The following LRBA variants were observed in gnomAD, a reference collection of about 807,000 sequenced individuals.
LRBA encodes lipopolysaccharide-responsive and beige-like anchor protein.
In LRBA, 176 loss-of-function variants were observed where a neutral mutation model predicts 330.0. The ratio of observed to expected loss-of-function variants is 0.53; its 90% CI spans 0.47 to 0.60. The LOEUF is 0.60. LRBA is among the 20% of genes least tolerant of loss of function. LRBA has a pLI of 0.00. For synonymous variants in LRBA, 1,230 were observed against 1,193.0 expected (o/e 1.03, Z -0.64); for missense variants, 3,259 against 3,444.8 (o/e 0.95, Z 1.35).
intron 40 of LRBA, among the ~76,000 whole-genome samples, chr4:150,516,578 T>C (rs1762388005): frequency 6.6e-6 from 1 of 151,784 alleles, no homozygotes; most frequent in Non-Finnish European, 1.5e-5. Context: ...AAATAAAAAA[T>C]GAATAGAAAA....
chr4:150,664,102 C>T (rs1421938025), intron 37 of LRBA, among the ~76,000 whole-genome samples: 2 of 152,158 alleles, frequency 1.3e-5, no homozygotes, highest in African/African-American at 2.4e-5. Flanking sequence ...CCTTGAATGT[C>T]ATGTCTTAGG....
intron 37 of LRBA, among the ~76,000 whole-genome samples, chr4:150,647,006 C>T (rs933431076): frequency 6.6e-6 from 1 of 152,022 alleles, no homozygotes; most frequent in African/African-American, 2.4e-5. Context: ...TAGTGATTAA[C>T]AGAACGAAGA....
At chr4:150,955,092 T>C (rs1055668252) in intron 2 of LRBA, among the ~76,000 whole-genome samples, 1 of 148,250 alleles carries the variant, frequency 6.7e-6, no homozygotes, top group Non-Finnish European at 1.5e-5. Context: ...CTGAGAAACA[T>C]GGTGAAACCC....
chr4:150,895,693 TTTG>T (rs1043041404), intron 16 of LRBA, among the ~76,000 whole-genome samples: 2 of 152,228 alleles, frequency 1.3e-5, no homozygotes, highest in Non-Finnish European at 2.9e-5. Context: ...CTGTTGGACA[TTTG>T]GGTTGGTTCC....
intron 47 of LRBA, among the ~76,000 whole-genome samples, chr4:150,402,466 C>T (rs1745620092): frequency 6.6e-6 from 1 of 151,864 alleles, no homozygotes; most frequent in South Asian, 2.1e-4. Flanking sequence ...ATTCTAAGTG[C>T]CACAGAAAAT....
intron 33 of LRBA, among the ~76,000 whole-genome samples, chr4:150,802,068 A>G (rs916480355): frequency 2.0e-5 from 3 of 150,666 alleles, no homozygotes; most frequent in Non-Finnish European, 4.4e-5. Flanking sequence ...ATTTTTTAAA[A>G]CATTAGACGA....
At position 150,669,384 on chromosome 4, in the gene LRBA, T is replaced by C. The variant is rs111904994; in HGVS notation, c.5921+14167A>G. On this transcript the variant is annotated intron_variant, in intron 37 of 56. Transcript: ENST00000651943. ...CATTTGATTTTTGCAAATTTTCCCA[T>C]TAATTTTCTTTTCTTGACCAATAAC... 8.5e-3 allele frequency among the ~76,000 whole-genome samples: 1,298 copies of C among 152,236 alleles called. 22 individuals carry two copies. Among genetic ancestry groups the C allele is most frequent in the African/African-American group, 0.028 (1,142 of 41,524 alleles).
intron 13 of LRBA, among the ~76,000 whole-genome samples, chr4:150,901,689 T>C (rs1460053610): frequency 6.6e-6 from 1 of 152,212 alleles, no homozygotes; most frequent in Non-Finnish European, 1.5e-5. Flanking sequence ...TGAATAAATC[T>C]AACATGCTAA....
intron 40 of LRBA, among the ~76,000 whole-genome samples, chr4:150,507,640 G>C (rs1438412170): frequency 1.3e-5 from 2 of 152,072 alleles, no homozygotes; most frequent in South Asian, 2.1e-4. Context: ...AGAAAACCTA[G>C]GCAATACCAT....
At chr4:150,423,461 T>C in intron 46 of LRBA, 1 of 584,760 alleles carries the variant, frequency 1.7e-6, no homozygotes, top group Non-Finnish European at 3.1e-6. Context: ...CGGGCCCCAT[T>C]TCTTCATCTG....
chr4:150,943,256 C>T (rs1215302601), intron 2 of LRBA, among the ~76,000 whole-genome samples: 4 of 152,122 alleles, frequency 2.6e-5, no homozygotes, highest in Non-Finnish European at 5.9e-5. Context: ...GCATGGACTT[C>T]CCAAAAGTTA....
Position 150,867,734 on chromosome 4 carries a change from T to C in LRBA, c.2703A>G (p.Ala901=). 1 of 1,613,948 alleles carries C rather than the reference T, an allele frequency of 6.2e-7. No individual in the cohort carries two copies. The highest frequency in any genetic ancestry group is 1.1e-5 in the South Asian group (1 of 91,072). The change falls in exon 22 of 57, where the codon GCA becomes GCG. Residue 901 remains alanine, a synonymous_variant. Transcript: ENST00000651943. ...GCCAGCCACCCCACTCATATTTGACTGCATGGTAAAGCAGGATTCTGAATA... is the reference window on the plus strand; with the variant it reads ...GCCAGCCACCCCACTCATATTTGACCGCATGGTAAAGCAGGATTCTGAATA... ...YAIFRILLYH[A]VKYEWGGWRV...
At chr4:150,291,333 G>T in intron 53 of LRBA, among the ~76,000 whole-genome samples, 1 of 63,694 alleles carries the variant, frequency 1.6e-5, no homozygotes. Flanking sequence ...TCTGACAAAG[G>T]GCTAATATCC....
In LRBA at chr4:150,611,400, A is replaced by G. The variant is rs1561421858; in HGVS notation, c.5922-12269T>C. 2.0e-5 allele frequency among the ~76,000 whole-genome samples: 3 copies of G among 152,244 alleles called. No individual in the cohort carries two copies. In the East Asian group the frequency reaches 5.8e-4, roughly 29 times the overall value. On this transcript the variant is annotated intron_variant, in intron 37 of 56. Coordinates refer to ENST00000651943, the MANE Select transcript of LRBA (RefSeq NM_001364905.1). ...GCGCTAGACCCTCCCAACTAGAACT[A>G]CCCATTACCAAAAATTTTCCAGGCT...
Position 150,828,594 on chromosome 4 carries a change from A to G in LRBA, c.4757T>C (p.Leu1586Ser). ...AGATTCTTCCACTGATGCCGTAGTT[A>G]AAGTGCTGAATGCTGCTGGTGTGAT... ...SEITPAAFSTLTTASVEESES... is the reference protein window; with the variant it reads ...SEITPAAFSTSTTASVEESES... The change falls in exon 30 of 57, where the codon TTA (leucine) becomes TCA (serine). Residue 1586 changes from leucine (L) to serine (S), a missense_variant. Physicochemically the swap from Leu to Ser is moderately radical, Grantham distance 145 (BLOSUM62 -2). Transcript: ENST00000651943. The G allele has an allele frequency of 6.2e-7, 1 of 1,614,008 alleles. No individual in the cohort carries two copies. Among genetic ancestry groups the G allele is most frequent in the Non-Finnish European group, 8.5e-7 (1 of 1,179,952 alleles).
chr4:150,467,358 A>C (rs1755573126), intron 44 of LRBA, among the ~76,000 whole-genome samples: 1 of 152,102 alleles, frequency 6.6e-6, no homozygotes, highest in African/African-American at 2.4e-5. Context: ...GTAGTAGAAG[A>C]GAGGAAGTGT....
chr4:150,773,322 C>T (rs906958056), intron 34 of LRBA, among the ~76,000 whole-genome samples: 8 of 152,200 alleles, frequency 5.3e-5, no homozygotes, highest in Admixed American at 3.3e-4. Context: ...GCTAGCCTTG[C>T]TAGCTGAAAG....
At chr4:150,734,811 C>A (rs972668869) in intron 36 of LRBA, among the ~76,000 whole-genome samples, 1 of 152,162 alleles carries the variant, frequency 6.6e-6, no homozygotes, top group African/African-American at 2.4e-5. Flanking sequence ...AATACTGTTA[C>A]GCTCTCAAAC....
At chr4:150,889,591 G>A (rs1425636665) in intron 17 of LRBA, among the ~76,000 whole-genome samples, 1 of 152,154 alleles carries the variant, frequency 6.6e-6, no homozygotes, top group African/African-American at 2.4e-5. Flanking sequence ...ATTGTAAACT[G>A]TGCATACGAG....
Sources: allele counts gnomAD v4.1 joint callset (sites outside exome capture counted in the v4.1 genomes callset), GRCh38; gene constraint gnomAD v4.1.1; transcripts MANE v1.5; gene names NCBI Gene and HGNC (gene_info 2026-07-23, HGNC 2026-07-21).